OR8S1: variants seen among roughly 807,000 people sequenced by gnomAD.
The protein encoded by OR8S1 is olfactory receptor family 8 subfamily S member 1.
For missense variants in OR8S1, 362 were observed against 372.1 expected (o/e 0.97, Z 0.22); for synonymous variants, 150 against 151.4 (o/e 0.99, Z 0.07).
chr12:48,526,091 C>G (rs1424009999), exon 1 of OR8S1: 1 of 1,614,034 alleles, frequency 6.2e-7, no homozygotes, highest in Non-Finnish European at 8.5e-7. Context: ...ACTGGGCTTT[C>G]TGGACGCACT....
exon 1 of OR8S1, chr12:48,526,000 T>C (rs766450366): frequency 1.2e-6 from 2 of 1,614,222 alleles, no homozygotes; most frequent in Non-Finnish European, 8.5e-7. Flanking sequence ...ATGACCGCCA[T>C]GCTGCCATCT....
exon 1 of OR8S1, chr12:48,525,807 T>C: frequency 1.9e-6 from 3 of 1,614,062 alleles, no homozygotes; most frequent in Non-Finnish European, 2.5e-6. Flanking sequence ...CATAAGCCCA[T>C]GTATTTCTTC....
At chr12:48,526,100 C>A (rs1420126159) in exon 1 of OR8S1, 1 of 1,614,158 alleles carries the variant, frequency 6.2e-7, no homozygotes. Context: ...TCTGGACGCA[C>A]TCATCAATGT....
chr12:48,525,636 C>T (rs1339218506), exon 1 of OR8S1: 1 of 1,609,700 alleles, frequency 6.2e-7, no homozygotes, highest in African/African-American at 1.3e-5. Flanking sequence ...TTGTAAATGG[C>T]CTTGGGGAAT....
At position 48,526,271 on chromosome 12, in the gene OR8S1, GTCT is replaced by G. The variant is rs542942244; in HGVS notation, c.645_647del (p.Phe215del). ...ACATGGGCTGGGAAACTTCCTTTTGGTCTTCTTATCCTACACCCGTATAATCTC... is the reference window on the plus strand; with the variant it reads ...ACATGGGCTGGGAAACTTCCTTTTGGTCTTATCCTACACCCGTATAATCTC... On this transcript the variant is annotated inframe_deletion, in exon 1 of 1. Transcript: ENST00000641651. 1.8e-4 allele frequency: 289 copies of G among 1,613,910 alleles called. 1 individual carries two copies. The South Asian group carries it at 3.0e-3, about 17-fold the overall frequency.
chr12:48,525,856 A>C lies in OR8S1; in HGVS notation c.225A>C (p.Ser75=), dbSNP rs1347193804. The C allele has an allele frequency of 4.3e-6, 7 of 1,614,036 alleles. No individual in the cohort carries two copies. In the South Asian group the frequency reaches 6.6e-5, roughly 15 times the overall value. ...CTTTTGTTGATCTCTGCTTCTCTTCAGTCATTGTGCCCAAGATGCTGGAGA... is the reference window on the plus strand; with the variant it reads ...CTTTTGTTGATCTCTGCTTCTCTTCCGTCATTGTGCCCAAGATGCTGGAGA... The change falls in exon 1 of 1, where the codon TCA becomes TCC. Residue 75 remains serine, a synonymous_variant. Transcript: ENST00000641651.
At chr12:48,526,240 T>A in exon 1 of OR8S1, 1 of 1,613,872 alleles carries the variant, frequency 6.2e-7, no homozygotes, top group Non-Finnish European at 8.5e-7. Context: ...TCTGCTCCAC[T>A]CTCCTACATG....
At chr12:48,526,135 T>C in exon 1 of OR8S1, 2 of 1,614,212 alleles carry the variant, frequency 1.2e-6, no homozygotes, top group East Asian at 2.2e-5. Flanking sequence ...ACATGGTCTT[T>C]TGTGAAGCCA....
exon 1 of OR8S1, chr12:48,526,212 G>T: frequency 6.2e-7 from 1 of 1,614,106 alleles, no homozygotes. Flanking sequence ...GATATCTCCA[G>T]AAGCCTCATC....
At chr12:48,526,289 C>T (rs1279926537) in exon 1 of OR8S1, 9 of 1,614,044 alleles carry the variant, frequency 5.6e-6, no homozygotes, top group Middle Eastern at 1.6e-4. Context: ...ATCCTACACC[C>T]GTATAATCTC....
At chr12:48,526,138 T>C (rs772750354) in exon 1 of OR8S1, 2 of 1,614,200 alleles carry the variant, frequency 1.2e-6, no homozygotes, top group Non-Finnish European at 1.7e-6. Flanking sequence ...TGGTCTTTTG[T>C]GAAGCCAAAA....
chr12:48,526,177 A>G, exon 1 of OR8S1: 1 of 1,613,596 alleles, frequency 6.2e-7, no homozygotes, highest in Non-Finnish European at 8.5e-7. Flanking sequence ...ATGAGATGCC[A>G]TCCCTCCTCC....
exon 1 of OR8S1, chr12:48,526,053 A>C (rs1938216196): frequency 6.2e-7 from 1 of 1,614,138 alleles, no homozygotes; most frequent in Non-Finnish European, 8.5e-7. Flanking sequence ...AAACAGCTGT[A>C]TATGCACCTT....
exon 1 of OR8S1, chr12:48,525,817 C>T (rs771271702): frequency 9.3e-6 from 15 of 1,614,012 alleles, no homozygotes; most frequent in East Asian, 2.2e-5. Context: ...TGTATTTCTT[C>T]CTGAGTCACC....
At chr12:48,526,499 C>G (rs1178929099) in exon 1 of OR8S1, 1 of 1,606,710 alleles carries the variant, frequency 6.2e-7, no homozygotes, top group Admixed American at 1.7e-5. Flanking sequence ...CATCTATAGC[C>G]TGAAAAATAA....
Position 48,526,186 on chromosome 12 carries a change from C to T in OR8S1, c.555C>T (p.Leu185=), listed in dbSNP as rs1430576188. The T allele has an allele frequency of 4.3e-6, 7 of 1,614,178 alleles. No homozygotes were observed. In the South Asian group the frequency reaches 7.7e-5, roughly 18 times the overall value. Residue 185 remains leucine (L), a synonymous_variant, in exon 1 of 1, where the codon CTC becomes CTT. Coordinates refer to ENST00000641651, the Ensembl canonical transcript of OR8S1. ...ACAGCTATGAGATGCCATCCCTCCT[C>T]CCTCTGTCCTGCTCTGATATCTCCA...
At position 48,526,485 on chromosome 12, in the gene OR8S1, C is replaced by A. The variant is rs763383945; in HGVS notation, c.854C>A (p.Ser285Tyr). Residue 285 changes from serine to tyrosine, a missense_variant, in exon 1 of 1, where the codon TCC becomes TAC. By Grantham distance (144) the Ser-to-Tyr change is moderately radical (BLOSUM62 -2). Transcript: ENST00000641651. Reference sequence around the variant, plus strand: ...ACTGTAGTCACTCCCATGCTGAATTCCCTCATCTATAGCCTGAAAAATAAG... The same window carrying A: ...ACTGTAGTCACTCCCATGCTGAATTACCTCATCTATAGCCTGAAAAATAAG... 1.6e-5 allele frequency: 25 copies of A among 1,610,570 alleles called. No homozygotes were observed. In the South Asian group the frequency reaches 2.7e-4, roughly 18 times the overall value.
exon 1 of OR8S1, chr12:48,526,240 T>C (rs1264457811): frequency 6.2e-7 from 1 of 1,613,754 alleles, no homozygotes; most frequent in Non-Finnish European, 8.5e-7. Flanking sequence ...TCTGCTCCAC[T>C]CTCCTACATG....
At chr12:48,525,819 T>A (rs777206354) in exon 1 of OR8S1, 1 of 1,614,164 alleles carries the variant, frequency 6.2e-7, no homozygotes, top group South Asian at 1.1e-5. Context: ...TATTTCTTCC[T>A]GAGTCACCTC....
Sources: allele counts gnomAD v4.1 joint callset, GRCh38; gene constraint gnomAD v4.1.1; transcripts MANE v1.5; gene names NCBI Gene and HGNC (gene_info 2026-07-23, HGNC 2026-07-21).